Variants in SOAT1 observed in about 807,000 individuals in gnomAD.
The protein encoded by SOAT1 is sterol O-acyltransferase 1, also known as acyl-coenzyme A:cholesterol acyltransferase 1.
SOAT1 carries 55 observed loss-of-function variants against 69.5 expected under a neutral mutation model. The observed-to-expected ratio is 0.79, with a 90% confidence interval of 0.64 to 0.99. The LOEUF is 0.99. Ranked by LOEUF, SOAT1 falls within the 50% of genes least tolerant of loss-of-function variation. The probability of loss-of-function intolerance (pLI) is 0.00; values close to 1 mark genes in which losing one functional copy is unlikely to be tolerated. For missense variants in SOAT1, 580 were observed against 669.3 expected (o/e 0.87, Z 1.47); for synonymous variants, 231 against 224.7 (o/e 1.03, Z -0.25).
chr1:179,316,336 G>GT (rs60012680), intron 2 of SOAT1, among the ~76,000 whole-genome samples: 74,705 of 148,986 alleles, frequency 0.5, 19,358 homozygotes, highest in East Asian at 0.84. Context: ...GGTGCTTTTA[G>GT]TTTTTTTTTT....
chr1:179,341,076 T>C lies in SOAT1; in HGVS notation c.546T>C (p.Pro182=), dbSNP rs1666319847. The change falls in exon 7 of 16, where the codon CCT becomes CCC. Residue 182 remains proline, a synonymous_variant. Coordinates refer to ENST00000367619, the MANE Select transcript of SOAT1 (RefSeq NM_003101.6). ...SLLSYAFGKF[P]TVVWTWWIMF... ...TGTCTTATGCTTTTGGCAAATTTCC[T>C]ACCGTTGTTTGGACCTGGTGGATCA... 5 of 1,614,060 alleles carry C rather than the reference T, an allele frequency of 3.1e-6. No individual in the cohort carries two copies. In the African/African-American group the frequency reaches 5.3e-5, roughly 17 times the overall value.
chr1:179,296,249 G>A (rs781211791), intron 1 of SOAT1, among the ~76,000 whole-genome samples: 1 of 152,108 alleles, frequency 6.6e-6, no homozygotes, highest in African/African-American at 2.4e-5. Context: ...GATTACAGGC[G>A]TGAGCCACTG....
At chr1:179,306,954 C>CA (rs1277102183) in intron 2 of SOAT1, among the ~76,000 whole-genome samples, 6 of 151,984 alleles carry the variant, frequency 3.9e-5, no homozygotes, top group African/African-American at 1.5e-4. Flanking sequence ...CAGCACATCT[C>CA]AAACTTTTTC....
Position 179,347,710 on chromosome 1 carries a change from T to C in SOAT1, c.1215+13T>C, listed in dbSNP as rs1242548410. On this transcript the variant is annotated intron_variant, in intron 12 of 15. Transcript: ENST00000367619. ...GATGTTCTATAAGGTAGTATATACT[T>C]AGACTTAGCTTTCTTTTTACATTTT... is the stretch of plus-strand genomic sequence containing the variant. 1 of 1,448,968 alleles carries C rather than the reference T, an allele frequency of 6.9e-7. No homozygotes were observed. Among genetic ancestry groups the C allele is most frequent in the Non-Finnish European group, 9.5e-7 (1 of 1,048,232 alleles). The allele number at this position is 1,448,968 out of a possible 1,614,324, so 89.8% of individuals were successfully genotyped here.
intron 3 of SOAT1, among the ~76,000 whole-genome samples, chr1:179,334,531 A>C (rs1326382875): frequency 2.6e-5 from 4 of 152,112 alleles, no homozygotes; most frequent in African/African-American, 9.7e-5. Context: ...GAAATGAGTA[A>C]ATATGGCTTT....
At chr1:179,353,517 GC>G (rs1666818273) in intron 15 of SOAT1, 67 bp from the exon 16 acceptor site, 1 of 1,336,920 alleles carries the variant, frequency 7.5e-7, no homozygotes, top group African/African-American at 1.4e-5. Context: ...TAACATCCCT[GC>G]CTATCTCCAC....
At chr1:179,303,582 A>T (rs4287132) in intron 2 of SOAT1, among the ~76,000 whole-genome samples, 31,678 of 152,136 alleles carry the variant, frequency 0.21, 3,640 homozygotes, top group East Asian at 0.46. Flanking sequence ...ATAAAGAAAC[A>T]GTTTTGTTTT....
intron 4 of SOAT1, 105 bp downstream of exon 4, chr1:179,335,762 T>G: frequency 9.8e-7 from 1 of 1,024,182 alleles, no homozygotes; most frequent in Non-Finnish European, 1.4e-6. Context: ...TGGTGTCACT[T>G]TCTATTGGCT....
At chr1:179,337,966 G>T (rs1339169328) in intron 5 of SOAT1, 70 bp downstream of exon 5, 12 of 1,094,390 alleles carry the variant, frequency 1.1e-5, no homozygotes, top group Admixed American at 2.4e-5. Context: ...TCATTGCTTA[G>T]TATATGGACA....
intron 3 of SOAT1, among the ~76,000 whole-genome samples, chr1:179,335,015 C>CAAAAAAA (rs10603546): frequency 4.1e-5 from 3 of 73,558 alleles, no homozygotes; most frequent in Non-Finnish European, 7.8e-5. Context: ...AACTCCATCT[C>CAAAAAAA]AAAAAAAAAA....
intron 7 of SOAT1, 85 bp from the exon 8 acceptor site, chr1:179,342,029 C>T (rs1666355558): frequency 6.5e-7 from 1 of 1,530,080 alleles, no homozygotes; most frequent in African/African-American, 1.4e-5. Flanking sequence ...ACTTTACTGG[C>T]TATCTATAAT....
At position 179,356,465 on chromosome 1, in the gene SOAT1, C is replaced by CTTTTTTTTTTTT. The variant is rs1275194965; in HGVS notation, c.*2838_*2849dup. 1.7e-5 allele frequency: 1 copy of CTTTTTTTTTTTT among 60,442 alleles called. No homozygotes were observed. Among genetic ancestry groups the CTTTTTTTTTTTT allele is most frequent in the African/African-American group, 7.5e-5 (1 of 13,264 alleles). The allele number at this position is 60,442 out of a possible 1,614,324, so 3.7% of individuals were successfully genotyped here. ...AATTTAATTAGAAAACTGAGGCTGC[C>CTTTTTTTTTTTT]TTTTTTTTTTTTTTTTTTTTTTTTT... On this transcript the variant is annotated 3_prime_UTR_variant, in exon 16 of 16. Coordinates refer to ENST00000367619, the MANE Select transcript of SOAT1 (RefSeq NM_003101.6).
intron 12 of SOAT1, 66 bp from the exon 13 acceptor site, chr1:179,348,769 TGTGTGTGTG>T (rs1666619070): frequency 4.3e-5 from 1 of 23,496 alleles, no homozygotes; most frequent in Non-Finnish European, 8.9e-5. Context: ...GATGTGTGTG[TGTGTGTGTG>T]TGTGTGTGTG....
intron 3 of SOAT1, among the ~76,000 whole-genome samples, chr1:179,334,060 C>A (rs1462819308): frequency 6.6e-6 from 1 of 152,206 alleles, no homozygotes; most frequent in Non-Finnish European, 1.5e-5. Context: ...TGAGCCCCTT[C>A]ATAGTCGCTG....
rs1571464967 is a variant in SOAT1, at chr1:179,354,537, C to A, written c.*896C>A. 2 of 152,212 alleles carry A rather than the reference C, an allele frequency of 1.3e-5. No homozygotes were observed. The highest frequency in any genetic ancestry group is 2.1e-4 in the South Asian group (1 of 4,820). 9.4% of individuals were successfully genotyped at this position (152,212 alleles called of 1,614,324 possible). ...AGTTATTTAGAAATATCCTTTGGAA[C>A]AATTATTTTATTGTCTAATAAATAT... On this transcript the variant is annotated 3_prime_UTR_variant, in exon 16 of 16. Coordinates refer to ENST00000367619, the MANE Select transcript of SOAT1 (RefSeq NM_003101.6).
At chr1:179,326,347 C>T (rs930741950) in intron 3 of SOAT1, among the ~76,000 whole-genome samples, 3 of 152,066 alleles carry the variant, frequency 2.0e-5, no homozygotes, top group Non-Finnish European at 4.4e-5. Flanking sequence ...ATGATGTCCT[C>T]GCTACTCTAT....
At chr1:179,306,277 T>G (rs1172164476) in intron 2 of SOAT1, among the ~76,000 whole-genome samples, 1 of 152,154 alleles carries the variant, frequency 6.6e-6, no homozygotes, top group Non-Finnish European at 1.5e-5. Flanking sequence ...GTAGTGGCCC[T>G]TGCTGGGGAC....
At chr1:179,342,395 T>C (rs926002383) in intron 8 of SOAT1, among the ~76,000 whole-genome samples, 3 of 151,882 alleles carry the variant, frequency 2.0e-5, no homozygotes, top group African/African-American at 7.3e-5. Context: ...TGGCTGGATA[T>C]TTCACCCTTT....
intron 1 of SOAT1, among the ~76,000 whole-genome samples, chr1:179,294,564 G>T (rs573025897): frequency 2.0e-5 from 3 of 152,164 alleles, no homozygotes; most frequent in Non-Finnish European, 4.4e-5. Flanking sequence ...ACGGAGTCTC[G>T]CTGTGTCGCA....
Sources: allele counts gnomAD v4.1 joint callset (sites outside exome capture counted in the v4.1 genomes callset), GRCh38; gene constraint gnomAD v4.1.1; transcripts MANE v1.5; gene names NCBI Gene and HGNC (gene_info 2026-07-23, HGNC 2026-07-21).